ZNF578: variants seen among roughly 807,000 people sequenced by gnomAD.
The protein encoded by ZNF578 is Putative chemokine-related protein B42.
ZNF578 carries 8 observed loss-of-function variants against 8.3 expected under a neutral mutation model. The ratio of observed to expected loss-of-function variants is 0.96; its 90% CI spans 0.56 to 1.74. ZNF578 has a LOEUF of 1.74. Ranked by LOEUF, ZNF578 falls within the 40% of genes most tolerant of loss-of-function variation. The probability of loss-of-function intolerance (pLI) is 0.00; values close to 1 mark genes in which losing one functional copy is unlikely to be tolerated. For synonymous variants in ZNF578, 206 were observed against 232.2 expected, an observed-to-expected ratio of 0.89 and a Z score of 1.03; for missense variants, 726 against 707.5, an observed-to-expected ratio of 1.03 and a Z score of -0.30.
intron 4 of ZNF578, among the ~76,000 whole-genome samples, chr19:52,504,031 C>T (rs1178319335): frequency 6.6e-6 from 1 of 151,978 alleles, no homozygotes; most frequent in Non-Finnish European, 1.5e-5. Flanking sequence ...TTCTTGACCA[C>T]ATTATCTGCC....
Position 52,503,332 on chromosome 19 carries a change from C to T in ZNF578, c.64-1323C>T, listed in dbSNP as rs189855699. ...AATTGCTGGCATTCCAAATGGGAGA[C>T]AGCCAGCCCGGCTGGACTCTGCACT... On this transcript the variant is annotated intron_variant, in intron 4 of 5. Transcript: ENST00000421239. 3.3e-3 allele frequency among the ~76,000 whole-genome samples: 495 copies of T among 152,232 alleles called. 2 individuals are homozygous for T. Among genetic ancestry groups the T allele is most frequent in the Non-Finnish European group, 4.5e-3 (306 of 68,028 alleles).
At chr19:52,489,277 CTT>C (rs926590930) in intron 2 of ZNF578, among the ~76,000 whole-genome samples, 4 of 152,038 alleles carry the variant, frequency 2.6e-5, no homozygotes, top group Non-Finnish European at 5.9e-5. Context: ...GCAATCAACT[CTT>C]TGTCTCCCTT....
chr19:52,463,003 G>A (rs987130876), intron 2 of ZNF578, among the ~76,000 whole-genome samples: 1 of 152,142 alleles, frequency 6.6e-6, no homozygotes, highest in Non-Finnish European at 1.5e-5. Flanking sequence ...GATCCTGGGA[G>A]ATGTTCAAAA....
At chr19:52,482,434 G>A (rs762901407) in intron 2 of ZNF578, among the ~76,000 whole-genome samples, 153 of 152,144 alleles carry the variant, frequency 1.0e-3, no homozygotes, top group Non-Finnish European at 1.1e-3. Flanking sequence ...TCAGGGGTTC[G>A]AGACCAGCGT....
chr19:52,502,035 A>T (rs942065680), intron 4 of ZNF578, 127 bp downstream of exon 4: 3 of 1,446,372 alleles, frequency 2.1e-6, no homozygotes, highest in African/African-American at 2.8e-5. Context: ...TTTGCCTGAC[A>T]CGTTTGCTTG....
chr19:52,469,481 A>C (rs2059285620), intron 2 of ZNF578, among the ~76,000 whole-genome samples: 2 of 152,066 alleles, frequency 1.3e-5, no homozygotes, highest in African/African-American at 4.8e-5. Flanking sequence ...AATTTTAAGG[A>C]TGAATTTCCT....
rs962790060 is a variant in ZNF578, at chr19:52,515,426, C to T, written c.*3272C>T. Reference sequence around the variant, plus strand: ...AGAATTAACTGTCAGGAATCAATGTCATCAGAACCTTGCAAAAGAAGTTTC... The same window carrying T: ...AGAATTAACTGTCAGGAATCAATGTTATCAGAACCTTGCAAAAGAAGTTTC... On this transcript the variant is annotated 3_prime_UTR_variant, in exon 6 of 6. Transcript: ENST00000421239. 1.4e-4 allele frequency among the ~76,000 whole-genome samples: 21 copies of T among 152,168 alleles called. No homozygotes were observed. Among genetic ancestry groups the T allele is most frequent in the African/African-American group, 4.6e-4 (19 of 41,430 alleles).
In ZNF578 at chr19:52,514,589, C is replaced by G. The variant is rs1244507057; in HGVS notation, c.*2435C>G. Among the ~76,000 whole-genome samples the G allele has an allele frequency of 6.6e-6, 1 of 152,174 alleles. No homozygotes were observed. Among genetic ancestry groups the G allele is most frequent in the African/African-American group, 2.4e-5 (1 of 41,438 alleles). On this transcript the variant is annotated 3_prime_UTR_variant, in exon 6 of 6. Transcript: ENST00000421239. ...TATTTATTGTGTGTTTCCCTCAAGG[C>G]CCTGTGGTCCATTCTGGAAAAATGT...
chr19:52,503,596 G>A (rs150082793), intron 4 of ZNF578, among the ~76,000 whole-genome samples: 3 of 152,152 alleles, frequency 2.0e-5, no homozygotes, highest in East Asian at 3.9e-4. Context: ...CACTCACCTC[G>A]GTCTCCCAAG....
At chr19:52,458,919 A>ACATATTT (rs1309099219) in intron 2 of ZNF578, 1 of 152,172 alleles carries the variant, frequency 6.6e-6, no homozygotes, top group Non-Finnish European at 1.5e-5. Context: ...TTGTCATAAG[A>ACATATTT]GGTTCTTACA....
chr19:52,486,469 A>G (rs1454837780), intron 2 of ZNF578, among the ~76,000 whole-genome samples: 2 of 152,168 alleles, frequency 1.3e-5, no homozygotes, highest in African/African-American at 4.8e-5. Flanking sequence ...AAAACACAGA[A>G]AAAAGTAAGA....
chr19:52,501,175 C>G (rs1223744620), intron 3 of ZNF578, among the ~76,000 whole-genome samples: 2 of 152,152 alleles, frequency 1.3e-5, no homozygotes, highest in Non-Finnish European at 2.9e-5. Context: ...CTGCGTCTGG[C>G]CTCTTTGTGA....
chr19:52,477,382 C>T (rs2059311399), intron 2 of ZNF578, among the ~76,000 whole-genome samples: 1 of 152,082 alleles, frequency 6.6e-6, no homozygotes, highest in African/African-American at 2.4e-5. Flanking sequence ...AGGCCCCCTT[C>T]TCATTTCCTG....
chr19:52,475,324 A>G lies in ZNF578; in HGVS notation c.-121-16000A>G, dbSNP rs377476991. ...TTATTAACGTGAGTTTTCACACCAG[A>G]AGAAATTTTTTCTTTCTTTTCTTTC... On this transcript the variant is annotated intron_variant, in intron 2 of 5. Coordinates refer to ENST00000421239, the MANE Select transcript of ZNF578 (RefSeq NM_001099694.2). The G allele has an allele frequency of 9.5e-5, 20 of 210,216 alleles. No homozygotes were observed. In the East Asian group the frequency reaches 1.5e-3, roughly 16 times the overall value. The allele number at this position is 210,216 out of a possible 1,614,324, so 13.0% of individuals were successfully genotyped here.
intron 3 of ZNF578, among the ~76,000 whole-genome samples, chr19:52,493,887 G>A (rs2059376024): frequency 6.6e-6 from 1 of 151,998 alleles, no homozygotes; most frequent in African/African-American, 2.4e-5. Flanking sequence ...CTATTAGGGA[G>A]GCTGAAGCTG....
Position 52,512,766 on chromosome 19 carries a change from A to G in ZNF578, c.*612A>G, listed in dbSNP as rs975219658. On this transcript the variant is annotated 3_prime_UTR_variant, in exon 6 of 6. Transcript: ENST00000421239. ...TTCATTTTTGAGATAACTGTTCCCA[A>G]TGCAGTGAGTATAGCAAACCATCAA... is the stretch of plus-strand genomic sequence containing the variant. 2.6e-5 allele frequency among the ~76,000 whole-genome samples: 4 copies of G among 152,226 alleles called. No individual in the cohort carries two copies. Among genetic ancestry groups the G allele is most frequent in the African/African-American group, 4.8e-5 (2 of 41,456 alleles).
In ZNF578 at chr19:52,513,334, T is replaced by C. The variant is rs2059457460; in HGVS notation, c.*1180T>C. ...ACCGCGCCTGGCATTGTTTCTTCTT[T>C]TCCTTTTTTTTTTTTTTTTTTTTTT... On this transcript the variant is annotated 3_prime_UTR_variant, in exon 6 of 6. Transcript: ENST00000421239. Among the ~76,000 whole-genome samples, 1 of 124,046 alleles carries C rather than the reference T, an allele frequency of 8.1e-6. No individual in the cohort carries two copies. The highest frequency in any genetic ancestry group is 3.7e-5 in the African/African-American group (1 of 26,842). The allele number at this position is 124,046 out of a possible 152,430, so 81.4% of individuals were successfully genotyped here.
intron 2 of ZNF578, among the ~76,000 whole-genome samples, chr19:52,461,807 G>A (rs560303311): frequency 3.3e-5 from 5 of 152,240 alleles, no homozygotes; most frequent in Non-Finnish European, 7.4e-5. Context: ...TTCCAAACTC[G>A]AATATGAGAT....
intron 2 of ZNF578, among the ~76,000 whole-genome samples, chr19:52,470,803 C>T (rs1200689855): frequency 6.6e-6 from 1 of 152,202 alleles, no homozygotes; most frequent in African/African-American, 2.4e-5. Context: ...CCAAGGGCTT[C>T]CAGGCTTTTA....
Sources: gnomAD v4.1 joint callset for allele counts (sites outside exome capture counted in the v4.1 genomes callset) on GRCh38, gnomAD v4.1.1 for gene constraint, MANE v1.5 for transcripts, NCBI Gene and HGNC (gene_info 2026-07-23, HGNC 2026-07-21) for gene names.